The following MAP4 variants were observed in gnomAD, a reference collection of about 807,000 sequenced individuals.
MAP4 encodes the protein microtubule associated protein 4.
In MAP4, 76 loss-of-function variants were observed where a neutral mutation model predicts 170.2. That is an observed-to-expected ratio of 0.45 (90% CI 0.37 to 0.54). MAP4 has a LOEUF of 0.54. Among genes scored for constraint, MAP4 ranks in the 20% least tolerant of loss-of-function variants. MAP4 has a pLI of 0.00. For missense variants in MAP4, 2,506 were observed against 2,748.0 expected (o/e 0.91, Z 1.97); for synonymous variants, 909 against 994.5 (o/e 0.91, Z 1.62).
chr3:47,997,541 G>C (rs963382704), intron 2 of MAP4, among the ~76,000 whole-genome samples: 2 of 151,548 alleles, frequency 1.3e-5, no homozygotes, highest in Admixed American at 1.3e-4. Flanking sequence ...GATTTAAGCT[G>C]TCACCTTAAG....
In MAP4 at chr3:47,871,928, T is replaced by C; in HGVS notation, c.5930A>G (p.Lys1977Arg). 2 of 1,610,502 alleles carry C rather than the reference T, an allele frequency of 1.2e-6. No homozygotes were observed. Among genetic ancestry groups the C allele is most frequent in the Non-Finnish European group, 1.7e-6 (2 of 1,177,506 alleles). Residue 1977 changes from lysine to arginine, a missense_variant, in exon 13 of 21, where the codon AAG becomes AGG. By Grantham distance (26) the Lys-to-Arg change is conservative. Around this residue, in one of 3 missense-constraint regions of MAP4, gnomAD observed 487 missense variants for 511.6 expected, o/e 0.95. Coordinates refer to ENST00000683076, the MANE Select transcript of MAP4 (RefSeq NM_001385682.1). ...AAGGCAATACTCACCAGTGGGCTTC[T>C]TGGGCAGGAGCGTGGAGGGGCTCCT... is the stretch of plus-strand genomic sequence containing the variant. ...SSRSPSTLLP[K>R]KPTAIKTEGK...
chr3:47,854,826 G>T (rs573491388), intron 19 of MAP4, among the ~76,000 whole-genome samples: 22 of 151,314 alleles, frequency 1.5e-4, no homozygotes, highest in Non-Finnish European at 3.2e-4. Context: ...CTAAGAATGT[G>T]CTGTCCTGCT....
chr3:48,001,886 A>T (rs1255594570), intron 1 of MAP4, among the ~76,000 whole-genome samples: 2 of 150,878 alleles, frequency 1.3e-5, no homozygotes, highest in Non-Finnish European at 3.0e-5. Flanking sequence ...TTTATTTTTT[A>T]TTTTTTTCAG....
chr3:47,902,880 A>C (rs1559980105), intron 10 of MAP4, 70 bp downstream of exon 10: 1 of 631,686 alleles, frequency 1.6e-6, no homozygotes, highest in South Asian at 7.1e-5. Context: ...TTTATGTACA[A>C]GGGCCTTGAA....
chr3:48,075,712 G>A (rs1011770831), intron 1 of MAP4, among the ~76,000 whole-genome samples: 2 of 151,756 alleles, frequency 1.3e-5, no homozygotes, highest in Admixed American at 6.6e-5. Context: ...AGTGGTTCAC[G>A]CCTGTAATCC....
rs181415163 is a variant in MAP4, at chr3:47,876,514, A to C, written c.5542-614T>G. 4.3e-3 allele frequency among the ~76,000 whole-genome samples: 657 copies of C among 152,274 alleles called. 8 individuals carry two copies. The highest frequency in any genetic ancestry group is 3.5e-3 in the Non-Finnish European group (237 of 68,022). ...TAATTCAGTAAAACAATTAACTCTTAATAATTAACTAACTTTTGGTGGCTA... is the reference window on the plus strand; with the variant it reads ...TAATTCAGTAAAACAATTAACTCTTCATAATTAACTAACTTTTGGTGGCTA... On this transcript the variant is annotated intron_variant, in intron 11 of 20. Coordinates refer to ENST00000683076, the MANE Select transcript of MAP4 (RefSeq NM_001385682.1).
intron 3 of MAP4, chr3:47,975,116 T>A: frequency 9.3e-7 from 1 of 1,076,174 alleles, no homozygotes; most frequent in Non-Finnish European, 1.1e-6. Context: ...AGGAAAAAAA[T>A]GTGAGAATGA....
At chr3:47,950,747 G>C (rs1559568969) in intron 3 of MAP4, among the ~76,000 whole-genome samples, 1 of 152,150 alleles carries the variant, frequency 6.6e-6, no homozygotes, top group African/African-American at 2.4e-5. Flanking sequence ...CAGAATAGAG[G>C]TTGCTTTTTT....
intron 10 of MAP4, among the ~76,000 whole-genome samples, chr3:47,884,697 A>G (rs1172393841): frequency 1.3e-5 from 2 of 152,048 alleles, no homozygotes; most frequent in Non-Finnish European, 2.9e-5. Flanking sequence ...CTTCCTCTGG[A>G]CTGCTCTCTG....
chr3:47,863,662 T>A (rs755696977), intron 17 of MAP4, among the ~76,000 whole-genome samples: 1 of 151,810 alleles, frequency 6.6e-6, no homozygotes. Flanking sequence ...CCACTACACA[T>A]GCACAGCCCC....
intron 3 of MAP4, among the ~76,000 whole-genome samples, chr3:47,938,620 G>A (rs1482717934): frequency 6.6e-6 from 1 of 152,176 alleles, no homozygotes; most frequent in Non-Finnish European, 1.5e-5. Flanking sequence ...CTGGGCTCAA[G>A]CAATCCTCCG....
Position 47,959,049 on chromosome 3 carries a change from G to A in MAP4, c.292+18816C>T, listed in dbSNP as rs2100069681. On this transcript the variant is annotated intron_variant, in intron 3 of 20. Coordinates refer to ENST00000683076, the MANE Select transcript of MAP4 (RefSeq NM_001385682.1). ...AGTGGAACTTTGTTTTCTGCCACAT[G>A]AAAATCTTTAAAGCTTATGCTGACG... Among the ~76,000 whole-genome samples, 4 of 151,910 alleles carry A rather than the reference G, an allele frequency of 2.6e-5. No homozygotes were observed. The South Asian group carries it at 8.3e-4, about 32-fold the overall frequency.
rs1277730791 is a variant in MAP4 at position 47,867,336 on chromosome 3, G to T, written c.6411C>A (p.Val2137=). 1 of 1,606,360 alleles carries T rather than the reference G, an allele frequency of 6.2e-7. No homozygotes were observed. The highest frequency in any genetic ancestry group is 1.7e-5 in the Admixed American group (1 of 59,844). Residue 2137 remains valine, a splice_region_variant and synonymous_variant, in exon 17 of 21, where the codon GTC becomes GTA. Coordinates refer to ENST00000683076, the MANE Select transcript of MAP4 (RefSeq NM_001385682.1). ...AGCTCACTTTTTTGGAGACTATCTG[G>T]ACCTGGAGTGTTAGAAAATAGAAAA... The part of the protein sequence containing the change: ...ASAQKQPAGK[V]QIVSKKVSYS...
intron 1 of MAP4, among the ~76,000 whole-genome samples, chr3:48,066,822 C>CTTTT (rs55939839): frequency 7.6e-5 from 5 of 65,770 alleles, no homozygotes; most frequent in South Asian, 7.1e-4. Context: ...TCTCTAATTC[C>CTTTT]TTTTTTTTTT....
chr3:47,943,534 G>A (rs745327699), intron 3 of MAP4, among the ~76,000 whole-genome samples: 12 of 152,004 alleles, frequency 7.9e-5, no homozygotes, highest in Non-Finnish European at 1.3e-4. Flanking sequence ...GCTTGAACTC[G>A]GGAGGCAGAG....
intron 1 of MAP4, among the ~76,000 whole-genome samples, chr3:48,044,522 G>A (rs1034276937): frequency 2.6e-5 from 4 of 151,544 alleles, no homozygotes; most frequent in Non-Finnish European, 4.4e-5. Context: ...CCCAGCACTG[G>A]GAGGCCGAGG....
chr3:47,886,695 T>G (rs1470828098), intron 10 of MAP4, among the ~76,000 whole-genome samples: 1 of 152,228 alleles, frequency 6.6e-6, no homozygotes, highest in Non-Finnish European at 1.5e-5. Context: ...TTCAATGAAC[T>G]GTGCTCTTCT....
intron 5 of MAP4, among the ~76,000 whole-genome samples, chr3:47,920,525 G>A (rs558207666): frequency 6.0e-5 from 9 of 149,232 alleles, no homozygotes; most frequent in African/African-American, 2.0e-4. Flanking sequence ...TTACGGGCGT[G>A]TGCCACTGCA....
chr3:47,902,461 G>C (rs1440698564), intron 10 of MAP4, among the ~76,000 whole-genome samples: 1 of 151,946 alleles, frequency 6.6e-6, no homozygotes, highest in Non-Finnish European at 1.5e-5. Flanking sequence ...GGATCACGAG[G>C]TCAGGAGTTC....
Sources: gnomAD v4.1 joint callset for allele counts (sites outside exome capture counted in the v4.1 genomes callset) on GRCh38, gnomAD v4.1.1 for gene constraint, gnomAD v4.1.1 regional missense constraint, MANE v1.5 for transcripts, NCBI Gene and HGNC (gene_info 2026-07-23, HGNC 2026-07-21) for gene names.